The following ATPAF1 variants were observed in gnomAD, a reference collection of about 807,000 sequenced individuals.
ATPAF1 encodes homolog of yeast ATP11.
A neutral mutation model predicts 43.9 loss-of-function variants in ATPAF1; 26 were observed. That is an observed-to-expected ratio of 0.59 (90% CI 0.43 to 0.82). The LOEUF (loss-of-function observed/expected upper bound fraction) is 0.82, where lower values mean the gene tolerates loss of function less well. ATPAF1 is among the 40% of genes least tolerant of loss of function. ATPAF1 has a pLI of 0.00. For missense variants in ATPAF1, 366 were observed against 435.0 expected, an observed-to-expected ratio of 0.84 and a Z score of 1.41; for synonymous variants, 157 against 168.0, an observed-to-expected ratio of 0.93 and a Z score of 0.50.
intron 2 of ATPAF1, among the ~76,000 whole-genome samples, chr1:46,662,512 C>T (rs868413037): frequency 8.6e-5 from 13 of 151,552 alleles, no homozygotes; most frequent in East Asian, 1.9e-4. Context: ...CTGTAACCTC[C>T]GCCTCCCAGG....
At chr1:46,658,304 A>G in intron 3 of ATPAF1, 115 bp from the exon 4 acceptor site, 1 of 865,276 alleles carries the variant, frequency 1.2e-6, no homozygotes, top group Non-Finnish European at 1.8e-6. Context: ...GATTTCCAAA[A>G]GTAGAAAACA....
chr1:46,635,203 T>A (rs1186862201), exon 9 of ATPAF1: 2 of 153,318 alleles, frequency 1.3e-5, no homozygotes, highest in East Asian at 3.8e-4. Context: ...AATTTGCTGA[T>A]ACCCCAAGCC....
At chr1:46,659,775 T>C (rs1054601499) in intron 2 of ATPAF1, among the ~76,000 whole-genome samples, 2 of 152,172 alleles carry the variant, frequency 1.3e-5, no homozygotes, top group African/African-American at 4.8e-5. Context: ...GCATAAAACC[T>C]TGCCTTTAGT....
intron 1 of ATPAF1, chr1:46,665,974 C>T (rs1328922623): frequency 1.0e-5 from 7 of 703,332 alleles, no homozygotes; most frequent in Admixed American, 3.7e-5. Context: ...GGGGTGCTGT[C>T]CCTATTAAGA....
At chr1:46,665,465 T>G (rs754670211) in intron 1 of ATPAF1, 101 bp from the exon 2 acceptor site, 7 of 1,346,154 alleles carry the variant, frequency 5.2e-6, no homozygotes, top group Non-Finnish European at 5.1e-6. Flanking sequence ...ACACTGCCAT[T>G]CAGAGAGGTT....
chr1:46,657,377 G>A (rs185676736), intron 4 of ATPAF1, among the ~76,000 whole-genome samples: 1 of 152,226 alleles, frequency 6.6e-6, no homozygotes, highest in East Asian at 1.9e-4. Flanking sequence ...GTGCTTTGAA[G>A]GAAAGTGTTC....
intron 8 of ATPAF1, among the ~76,000 whole-genome samples, chr1:46,639,235 T>TACAC (rs57111258): frequency 0.59 from 89,740 of 150,988 alleles, 28,393 homozygotes; most frequent in Non-Finnish European, 0.73. Flanking sequence ...TATACACACA[T>TACAC]ACACACACAC....
At chr1:46,645,098 G>C in intron 7 of ATPAF1, 63 bp downstream of exon 7, 1 of 1,285,966 alleles carries the variant, frequency 7.8e-7, no homozygotes, top group Non-Finnish European at 1.1e-6. Context: ...GCCTCAGCAA[G>C]GGTTTCTAGT....
chr1:46,643,555 G>A (rs1675986512), intron 7 of ATPAF1, among the ~76,000 whole-genome samples: 1 of 152,252 alleles, frequency 6.6e-6, no homozygotes. Context: ...ACAGTAGGCA[G>A]TGAATCCATC....
At chr1:46,636,026 G>T in intron 8 of ATPAF1, 56 bp from the exon 9 acceptor site, 1 of 1,587,994 alleles carries the variant, frequency 6.3e-7, no homozygotes, top group Non-Finnish European at 8.6e-7. Flanking sequence ...CAAAGCTCTT[G>T]TCTGAATTGT....
intron 2 of ATPAF1, 40 bp from the exon 3 acceptor site, chr1:46,658,777 CA>C: frequency 6.9e-7 from 1 of 1,458,318 alleles, no homozygotes; most frequent in Non-Finnish European, 9.2e-7. Flanking sequence ...ACACTTTACT[CA>C]TAAGAAAAAA....
At chr1:46,665,166 A>G in intron 2 of ATPAF1, 90 bp downstream of exon 2, 4 of 1,274,706 alleles carry the variant, frequency 3.1e-6, no homozygotes, top group Non-Finnish European at 4.5e-6. Context: ...CAGCTGACCC[A>G]TCAATAAACC....
Position 46,635,485 on chromosome 1 carries a change from C to A in ATPAF1, c.*291G>T, listed in dbSNP as rs2148812368. The A allele has an allele frequency of 7.8e-6, 3 of 386,090 alleles. No homozygotes were observed. The South Asian group carries it at 1.5e-4, about 19-fold the overall frequency. 23.9% of individuals were successfully genotyped at this position (386,090 alleles called of 1,614,324 possible). A position where few individuals can be genotyped will look rare whatever the true frequency, so the allele number is the denominator to read the frequency against. On this transcript the variant is annotated 3_prime_UTR_variant, in exon 9 of 9. Transcript: ENST00000574428. ...AATGCAACTGCGCTGTTACACTGTGCAAAATCAAGTCAACTGTCTTGTAGG... is the reference window on the plus strand; with the variant it reads ...AATGCAACTGCGCTGTTACACTGTGAAAAATCAAGTCAACTGTCTTGTAGG...
intron 6 of ATPAF1, among the ~76,000 whole-genome samples, chr1:46,646,046 T>C (rs1476589615): frequency 1.3e-5 from 2 of 152,158 alleles, no homozygotes; most frequent in Admixed American, 1.3e-4. Context: ...TGTGGTGGCA[T>C]GTGCCTGTTG....
In ATPAF1 at chr1:46,651,245, C is replaced by T. The variant is rs868427504; in HGVS notation, c.588+1336G>A. ...ATTCCCACCTATGAGTGAGAACATG[C>T]GGTGTTTGGTTTTTTGTTCTTGCCA... On this transcript the variant is annotated intron_variant, in intron 6 of 8. Coordinates refer to ENST00000574428, the Ensembl canonical transcript of ATPAF1. Among the ~76,000 whole-genome samples, 69 of 151,804 alleles carry T rather than the reference C, an allele frequency of 4.5e-4. 1 individual carries two copies. The highest frequency in any genetic ancestry group is 1.1e-3 in the African/African-American group (47 of 41,374).
upstream of ATPAF1, chr1:46,668,493 G>A: frequency 5.7e-6 from 4 of 702,746 alleles, no homozygotes; most frequent in East Asian, 2.2e-4. This position sits in a 1 kb window ranked among gnomAD's most constrained non-coding sequence, Gnocchi z 4.4. Flanking sequence ...AGGAGGGGGC[G>A]CGCCGCTCTG....
rs535858084 is a variant in ATPAF1 at position 46,665,319 on chromosome 1, T to C, written c.312A>G (p.Glu104=). 256 of 1,614,236 alleles carry C rather than the reference T, an allele frequency of 1.6e-4. 3 individuals are homozygous for C. The South Asian group carries it at 2.6e-3, about 16-fold the overall frequency. ...AATGCCCCACTGGCTGCTTCCGAAA[T>C]TCACTGCGTTTCTCCAGGCGGGACT... The change falls in exon 2 of 9, where the codon GAA becomes GAG. Residue 104 remains glutamate, a synonymous_variant. Transcript: ENST00000574428.
intron 1 of ATPAF1, among the ~76,000 whole-genome samples, chr1:46,667,519 G>C (rs997760833): frequency 6.6e-6 from 1 of 152,134 alleles, no homozygotes; most frequent in Non-Finnish European, 1.5e-5. Context: ...GTGACCTTTG[G>C]CAAGTCTCTT....
downstream of ATPAF1, chr1:46,633,643 G>A (rs1036079988): frequency 3.7e-5 from 16 of 428,582 alleles, no homozygotes; most frequent in Non-Finnish European, 6.3e-5. Flanking sequence ...GAACAGCTAC[G>A]TGGTACTTTA....
Sources: allele counts gnomAD v4.1 joint callset (sites outside exome capture counted in the v4.1 genomes callset), GRCh38; gene constraint gnomAD v4.1.1; non-coding constraint Gnocchi (gnomAD v3.1); transcripts MANE v1.5; gene names NCBI Gene and HGNC (gene_info 2026-07-23, HGNC 2026-07-21).